Variants in LRMDA observed in about 807,000 individuals in gnomAD.
LRMDA encodes the protein leucine rich melanocyte differentiation associated.
Under a neutral mutation model 29.8 loss-of-function variants are expected in LRMDA, and 18 were observed. The observed-to-expected ratio is 0.60, with a 90% confidence interval of 0.42 to 0.90. LRMDA has a LOEUF of 0.90. LRMDA is among the 40% of genes least tolerant of loss of function. The pLI is 0.00. For synonymous variants in LRMDA, 125 were observed against 109.4 expected, an observed-to-expected ratio of 1.14 and a Z score of -0.89; for missense variants, 273 against 273.9, an observed-to-expected ratio of 1.00 and a Z score of 0.02.
At chr10:75,550,571 G>A (rs893985217) in intron 2 of LRMDA, among the ~76,000 whole-genome samples, 4 of 151,940 alleles carry the variant, frequency 2.6e-5, no homozygotes, top group Admixed American at 6.6e-5. Flanking sequence ...ATTTCTTTTA[G>A]AGAGCATATA....
rs76507597 is a variant in LRMDA, at chr10:76,255,342, A to G, written c.517-69059A>G. 2.7e-3 allele frequency among the ~76,000 whole-genome samples: 415 copies of G among 152,324 alleles called. 20 individuals carry two copies. The East Asian group carries it at 0.062, about 23-fold the overall frequency. ...GCTGTCCTTAAGTCAGCAAGGATTT[A>G]TGAGAGTGCTTGATGATTGTGTGTT... On this transcript the variant is annotated intron_variant, in intron 5 of 6. Transcript: ENST00000611255.
chr10:75,774,190 TTA>T (rs1194809847), intron 2 of LRMDA, among the ~76,000 whole-genome samples: 1 of 152,202 alleles, frequency 6.6e-6, no homozygotes, highest in Non-Finnish European at 1.5e-5. Flanking sequence ...AAAAAATAAT[TTA>T]TCTCACACTT....
intron 2 of LRMDA, among the ~76,000 whole-genome samples, chr10:75,969,086 G>T (rs1264564486): frequency 2.0e-5 from 3 of 152,158 alleles, no homozygotes; most frequent in Non-Finnish European, 4.4e-5. Context: ...GTTGGCTGTT[G>T]CAAGAAAGGA....
At chr10:76,179,710 A>G (rs1476479172) in intron 5 of LRMDA, among the ~76,000 whole-genome samples, 1 of 152,152 alleles carries the variant, frequency 6.6e-6, no homozygotes, top group African/African-American at 2.4e-5. Context: ...AGCGAGTTTG[A>G]CTCAAGATGA....
intron 6 of LRMDA, among the ~76,000 whole-genome samples, chr10:76,436,258 A>T (rs2132287413): frequency 6.6e-6 from 1 of 152,336 alleles, no homozygotes; most frequent in African/African-American, 2.4e-5. Flanking sequence ...GAGTATATTA[A>T]TAAATGCAGA....
intron 5 of LRMDA, among the ~76,000 whole-genome samples, chr10:76,223,077 G>A (rs1388771888): frequency 6.6e-6 from 1 of 151,730 alleles, no homozygotes; most frequent in Non-Finnish European, 1.5e-5. Context: ...GAGAACACAT[G>A]GACACAGGAA....
chr10:76,240,092 A>G (rs1213204187), intron 5 of LRMDA, among the ~76,000 whole-genome samples: 1 of 151,904 alleles, frequency 6.6e-6, no homozygotes, highest in Non-Finnish European at 1.5e-5. Context: ...TGTATAGACA[A>G]TTCTCAAAAA....
At chr10:75,809,342 G>T (rs1380231551) in intron 2 of LRMDA, among the ~76,000 whole-genome samples, 1 of 152,110 alleles carries the variant, frequency 6.6e-6, no homozygotes. Context: ...GGATGGAGTG[G>T]TCATCAAAAA....
chr10:76,288,526 TG>T (rs897849740), intron 5 of LRMDA, among the ~76,000 whole-genome samples: 2 of 151,990 alleles, frequency 1.3e-5, no homozygotes, highest in Admixed American at 1.3e-4. Flanking sequence ...AATTGACAAA[TG>T]GGATATAATT....
intron 2 of LRMDA, among the ~76,000 whole-genome samples, chr10:75,963,520 T>C (rs1369756839): frequency 6.6e-6 from 1 of 152,238 alleles, no homozygotes; most frequent in Admixed American, 6.5e-5. Context: ...CAGGGGTCCT[T>C]GTTGTCATGA....
chr10:76,240,737 AAT>A (rs1485564409), intron 5 of LRMDA, among the ~76,000 whole-genome samples: 1 of 150,908 alleles, frequency 6.6e-6, no homozygotes, highest in Non-Finnish European at 1.5e-5. Context: ...AATGCCCATT[AAT>A]CAATGAGTGG....
At chr10:75,604,486 C>T (rs1196481693) in intron 2 of LRMDA, among the ~76,000 whole-genome samples, 1 of 152,158 alleles carries the variant, frequency 6.6e-6, no homozygotes, top group Non-Finnish European at 1.5e-5. Context: ...TTAGATAGAG[C>T]TAAGAGTTCC....
At chr10:76,054,569 C>G (rs1474832996) in intron 4 of LRMDA, among the ~76,000 whole-genome samples, 1 of 151,846 alleles carries the variant, frequency 6.6e-6, no homozygotes, top group Non-Finnish European at 1.5e-5. Context: ...TAAACATTGG[C>G]TGATTTTCTA....
intron 5 of LRMDA, among the ~76,000 whole-genome samples, chr10:76,143,477 G>T (rs530787959): frequency 6.6e-6 from 1 of 152,142 alleles, no homozygotes. Flanking sequence ...TTTTTTGGCT[G>T]CATAAATGTC....
At chr10:76,162,779 C>T (rs984827421) in intron 5 of LRMDA, among the ~76,000 whole-genome samples, 41 of 152,096 alleles carry the variant, frequency 2.7e-4, no homozygotes, top group Non-Finnish European at 3.7e-4. Flanking sequence ...GGGGAGGACA[C>T]GCATCCAAAC....
intron 2 of LRMDA, among the ~76,000 whole-genome samples, chr10:75,950,439 T>A (rs1846553623): frequency 6.6e-6 from 1 of 152,208 alleles, no homozygotes; most frequent in South Asian, 2.1e-4. Flanking sequence ...GCTTCCTACC[T>A]TATGTCATAG....
intron 2 of LRMDA, among the ~76,000 whole-genome samples, chr10:76,022,352 C>T (rs1847988479): frequency 6.6e-6 from 1 of 152,228 alleles, no homozygotes; most frequent in Non-Finnish European, 1.5e-5. Flanking sequence ...CAGTGATTGA[C>T]TCATGGGCAC....
At chr10:76,556,203 G>A (rs1048508378) in intron 6 of LRMDA, among the ~76,000 whole-genome samples, 2 of 152,120 alleles carry the variant, frequency 1.3e-5, no homozygotes, top group African/African-American at 4.8e-5. Context: ...TGAGAGGAGA[G>A]CCTTATACGG....
At position 75,924,012 on chromosome 10, in the gene LRMDA, G is replaced by A. The variant is rs538980466; in HGVS notation, c.132-111996G>A. On this transcript the variant is annotated intron_variant, in intron 2 of 6. Transcript: ENST00000611255. ...GTCACCAGCAAAGGAGCTTTATTGA[G>A]TTTCACAGAGATATTCCTTTTGCTC... Among the ~76,000 whole-genome samples, 6 of 152,322 alleles carry A rather than the reference G, an allele frequency of 3.9e-5. No individual in the cohort carries two copies. In the South Asian group the frequency reaches 1.2e-3, roughly 32 times the overall value.
Sources: allele counts gnomAD v4.1 joint callset (sites outside exome capture counted in the v4.1 genomes callset), GRCh38; gene constraint gnomAD v4.1.1; transcripts MANE v1.5; gene names NCBI Gene and HGNC (gene_info 2026-07-23, HGNC 2026-07-21).